GPAT3: variants seen among roughly 807,000 people sequenced by gnomAD.
The protein encoded by GPAT3 is glycerol-3-phosphate acyltransferase 3.
Under a neutral mutation model 58.8 loss-of-function variants are expected in GPAT3, and 53 were observed. The observed-to-expected ratio is 0.90, with a 90% CI of 0.72 to 1.13. The LOEUF is 1.13. Among genes scored for constraint, GPAT3 ranks in the 50% most tolerant of loss-of-function variants. GPAT3 has a pLI of 0.00. For synonymous variants in GPAT3, 197 were observed against 187.4 expected (o/e 1.05, Z -0.42); for missense variants, 511 against 527.6 (o/e 0.97, Z 0.31).
chr4:83,539,247 C>T (rs1724208354), intron 1 of GPAT3, among the ~76,000 whole-genome samples: 1 of 152,194 alleles, frequency 6.6e-6, no homozygotes, highest in Admixed American at 6.5e-5. Context: ...AATACCCTGC[C>T]TTTCTGTAGA....
At chr4:83,543,501 A>G (rs1008859710) in intron 1 of GPAT3, among the ~76,000 whole-genome samples, 1 of 152,162 alleles carries the variant, frequency 6.6e-6, no homozygotes, top group African/African-American at 2.4e-5. Flanking sequence ...TATATTCAAA[A>G]CAAAGTGAGA....
chr4:83,561,981 G>C (rs192566073), intron 2 of GPAT3, among the ~76,000 whole-genome samples: 4 of 150,830 alleles, frequency 2.7e-5, no homozygotes, highest in Admixed American at 1.3e-4. Context: ...GATCATTTAA[G>C]ACAACGCCTT....
chr4:83,590,885 C>A (rs887462912), intron 6 of GPAT3, among the ~76,000 whole-genome samples: 2 of 114,324 alleles, frequency 1.7e-5, no homozygotes, highest in African/African-American at 3.2e-5. Context: ...GAATCATATT[C>A]TTTTTTTTTT....
chr4:83,589,603 G>A (rs932879387), intron 5 of GPAT3, among the ~76,000 whole-genome samples: 8 of 152,140 alleles, frequency 5.3e-5, no homozygotes, highest in Non-Finnish European at 4.4e-5. Context: ...AATTTTCTCC[G>A]TGGATTACCA....
At chr4:83,574,624 A>ATTTTTTTT (rs561972057) in intron 2 of GPAT3, among the ~76,000 whole-genome samples, 55 of 55,584 alleles carry the variant, frequency 9.9e-4, no homozygotes, top group Non-Finnish European at 1.6e-3. Context: ...AGTAAAATGA[A>ATTTTTTTT]TTTTTTTTTT....
Position 83,544,577 on chromosome 4 carries a change from G to A in GPAT3, c.183G>A (p.Ser61=), listed in dbSNP as rs1237718897. ...TTGAAAAAGGAACCCCAAAGGAGTCGATTCTTAAAAACTCTGCTTCTGTTG... is the reference window on the plus strand; with the variant it reads ...TTGAAAAAGGAACCCCAAAGGAGTCAATTCTTAAAAACTCTGCTTCTGTTG... ...IRIEKGTPKE[S]ILKNSASVGI... is the part of the protein sequence containing the mutation. The change falls in exon 2 of 12, where the codon TCG becomes TCA. Residue 61 remains serine, a synonymous_variant. Coordinates refer to ENST00000264409, the MANE Select transcript of GPAT3 (RefSeq NM_032717.5). 1.1e-5 allele frequency: 18 copies of A among 1,614,004 alleles called. No individual in the cohort carries two copies. Among genetic ancestry groups the A allele is most frequent in the Non-Finnish European group, 1.4e-5 (17 of 1,179,984 alleles).
chr4:83,557,599 A>G (rs1013346438), intron 2 of GPAT3, among the ~76,000 whole-genome samples: 1 of 152,232 alleles, frequency 6.6e-6, no homozygotes, highest in African/African-American at 2.4e-5. Flanking sequence ...CCCACAGGCC[A>G]TGGGTTGGAC....
At chr4:83,568,803 C>T (rs1377624185) in intron 2 of GPAT3, among the ~76,000 whole-genome samples, 1 of 152,138 alleles carries the variant, frequency 6.6e-6, no homozygotes, top group Non-Finnish European at 1.5e-5. Flanking sequence ...CCACGCCCGG[C>T]CTGTATTCAC....
chr4:83,574,867 C>CT (rs559690278), intron 2 of GPAT3, among the ~76,000 whole-genome samples: 15,980 of 112,554 alleles, frequency 0.14, 1,252 homozygotes, highest in East Asian at 0.24. Flanking sequence ...ACATTTCTTT[C>CT]TTTTTTTTTT....
intron 11 of GPAT3, among the ~76,000 whole-genome samples, chr4:83,599,255 G>T (rs1048000121): frequency 1.3e-5 from 2 of 152,188 alleles, no homozygotes; most frequent in African/African-American, 2.4e-5. Flanking sequence ...AGCTCAATCT[G>T]TGTTGCTTTA....
chr4:83,541,248 T>G (rs1164005914), intron 1 of GPAT3, among the ~76,000 whole-genome samples: 3 of 152,058 alleles, frequency 2.0e-5, no homozygotes, highest in African/African-American at 7.2e-5. Flanking sequence ...CTTTTTTTTT[T>G]TTGAGGCAGG....
chr4:83,558,070 C>T (rs1027117509), intron 2 of GPAT3, among the ~76,000 whole-genome samples: 2 of 152,004 alleles, frequency 1.3e-5, no homozygotes, highest in African/African-American at 2.4e-5. Flanking sequence ...CAAAATTAGC[C>T]GGGCATGGTG....
intron 2 of GPAT3, among the ~76,000 whole-genome samples, chr4:83,549,974 C>T (rs1210964053): frequency 6.6e-6 from 1 of 151,658 alleles, no homozygotes; most frequent in African/African-American, 2.4e-5. Context: ...CCACCTGCCT[C>T]AGCCTCCCAA....
Position 83,536,136 on chromosome 4 carries a change from CCAG to C in GPAT3, c.-485_-483del. 1 of 985,834 alleles carries C rather than the reference CCAG, an allele frequency of 1.0e-6. No individual in the cohort carries two copies. Among genetic ancestry groups the C allele is most frequent in the Non-Finnish European group, 1.2e-6 (1 of 830,186 alleles). 61.1% of individuals were successfully genotyped at this position (985,834 alleles called of 1,614,324 possible). Reference sequence around the variant, plus strand: ...TTCCAGCACAGCCCGCGGCCCGGTGCCAGCTCCGCCGGCGACCGGTGTGCCAAA... The same window carrying C: ...TTCCAGCACAGCCCGCGGCCCGGTGCCTCCGCCGGCGACCGGTGTGCCAAA... On this transcript the variant is annotated 5_prime_UTR_variant, in exon 1 of 12. Coordinates refer to ENST00000264409, the MANE Select transcript of GPAT3 (RefSeq NM_032717.5).
Position 83,604,534 on chromosome 4 carries a change from A to G in GPAT3, c.1206-134A>G, listed in dbSNP as rs958784082. The G allele has an allele frequency of 8.4e-6, 5 of 596,812 alleles. No individual in the cohort carries two copies. In the African/African-American group the frequency reaches 9.6e-5, roughly 11 times the overall value. The allele number at this position is 596,812 out of a possible 1,614,324, so 37.0% of individuals were successfully genotyped here. A position where few individuals can be genotyped will look rare whatever the true frequency, so the allele number is the denominator to read the frequency against. On this transcript the variant is annotated intron_variant, in intron 11 of 11. Transcript: ENST00000264409. ...TGAAACCTGGGTCTTCCTGTTTCCAAATCCAGTGTTCTTTCCCTTATTTCA... is the reference window on the plus strand; with the variant it reads ...TGAAACCTGGGTCTTCCTGTTTCCAGATCCAGTGTTCTTTCCCTTATTTCA...
In GPAT3 at chr4:83,536,389, C is replaced by G. The variant is rs1026351211; in HGVS notation, c.-234C>G. 1.8e-5 allele frequency: 24 copies of G among 1,324,250 alleles called. No individual in the cohort carries two copies. Among genetic ancestry groups the G allele is most frequent in the Non-Finnish European group, 4.8e-6 (5 of 1,035,968 alleles). The allele number at this position is 1,324,250 out of a possible 1,614,324, so 82.0% of individuals were successfully genotyped here. A position where few individuals can be genotyped will look rare whatever the true frequency, so the allele number is the denominator to read the frequency against. On this transcript the variant is annotated 5_prime_UTR_variant, in exon 1 of 12. Coordinates refer to ENST00000264409, the MANE Select transcript of GPAT3 (RefSeq NM_032717.5). ...ACGCCGCGGTGGCTTCAGCCCAGACCTGGGCAGCCAGCGGAGAAAGAGTTA... is the reference window on the plus strand; with the variant it reads ...ACGCCGCGGTGGCTTCAGCCCAGACGTGGGCAGCCAGCGGAGAAAGAGTTA...
At chr4:83,587,416 T>A in intron 4 of GPAT3, 87 bp downstream of exon 4, 2 of 1,147,020 alleles carry the variant, frequency 1.7e-6, no homozygotes, top group Non-Finnish European at 2.5e-6. Context: ...TTGATTCCTA[T>A]GTATTGCATT....
chr4:83,591,975 A>G (rs1726618378), intron 6 of GPAT3, among the ~76,000 whole-genome samples: 1 of 152,160 alleles, frequency 6.6e-6, no homozygotes, highest in African/African-American at 2.4e-5. Context: ...AAAGCCCAAG[A>G]AAGCAAACCT....
At chr4:83,601,309 C>A (rs1393456852) in intron 11 of GPAT3, among the ~76,000 whole-genome samples, 4 of 152,206 alleles carry the variant, frequency 2.6e-5, no homozygotes, top group Non-Finnish European at 5.9e-5. Flanking sequence ...TACTGTACTC[C>A]ATTATGCAAG....
Sources: allele counts gnomAD v4.1 joint callset (sites outside exome capture counted in the v4.1 genomes callset), GRCh38; gene constraint gnomAD v4.1.1; transcripts MANE v1.5; gene names NCBI Gene and HGNC (gene_info 2026-07-23, HGNC 2026-07-21).